STRN3: variants seen among roughly 807,000 people sequenced by gnomAD.
STRN3 encodes the protein striatin 3.
STRN3 carries 29 observed loss-of-function variants against 95.6 expected under a neutral mutation model. The ratio of observed to expected loss-of-function variants is 0.30; its 90% confidence interval spans 0.23 to 0.41. The LOEUF is 0.41. STRN3 is among the 10% of genes least tolerant of loss of function. STRN3 has a pLI of 1.00. For synonymous variants in STRN3, 331 were observed against 357.6 expected, an observed-to-expected ratio of 0.93 and a Z score of 0.84; for missense variants, 890 against 972.1, an observed-to-expected ratio of 0.92 and a Z score of 1.12.
chr14:31,010,589 T>C (rs1882926256), intron 1 of STRN3, among the ~76,000 whole-genome samples: 1 of 152,132 alleles, frequency 6.6e-6, no homozygotes, highest in African/African-American at 2.4e-5. Context: ...TTTTTCAACG[T>C]ACTTTTTTCA....
chr14:30,998,390 G>A (rs1882299925), intron 1 of STRN3, among the ~76,000 whole-genome samples: 1 of 152,132 alleles, frequency 6.6e-6, no homozygotes, highest in South Asian at 2.1e-4. Flanking sequence ...TGTATGCAGG[G>A]GACTTTGAAA....
chr14:30,912,727 C>T (rs1896641506), intron 10 of STRN3, among the ~76,000 whole-genome samples: 1 of 152,082 alleles, frequency 6.6e-6, no homozygotes, highest in African/African-American at 2.4e-5. Context: ...ATTTCTCCAT[C>T]TGTAAAGATA....
intron 1 of STRN3, among the ~76,000 whole-genome samples, chr14:30,973,705 T>C (rs1275495130): frequency 2.0e-5 from 3 of 152,180 alleles, no homozygotes; most frequent in Non-Finnish European, 2.9e-5. Context: ...CTGTGAACAC[T>C]GATACTAAAA....
intron 1 of STRN3, among the ~76,000 whole-genome samples, chr14:31,016,119 G>C (rs529860830): frequency 6.6e-6 from 1 of 152,242 alleles, no homozygotes; most frequent in South Asian, 2.1e-4. Flanking sequence ...AATGCAAAAT[G>C]GTACAGCCAC....
At chr14:31,020,944 G>A (rs995116887) in intron 1 of STRN3, among the ~76,000 whole-genome samples, 1 of 151,942 alleles carries the variant, frequency 6.6e-6, no homozygotes, top group Non-Finnish European at 1.5e-5. Context: ...TAAGCTCCCT[G>A]AGGACAAAGT....
chr14:31,002,647 GAAAAA>G (rs35719624), intron 1 of STRN3, among the ~76,000 whole-genome samples: 1 of 140,966 alleles, frequency 7.1e-6, no homozygotes, highest in African/African-American at 2.7e-5. Flanking sequence ...TCTCAAAAAA[GAAAAA>G]AAAAAAAGGA....
chr14:30,930,131 T>C (rs1402309383), intron 7 of STRN3, among the ~76,000 whole-genome samples: 2 of 151,998 alleles, frequency 1.3e-5, no homozygotes, highest in African/African-American at 2.4e-5. Context: ...TTTAACTAAA[T>C]ACTTGTGACT....
chr14:31,000,784 G>A (rs572409052), intron 1 of STRN3, among the ~76,000 whole-genome samples: 1 of 151,944 alleles, frequency 6.6e-6, no homozygotes, highest in East Asian at 1.9e-4. Context: ...CAGGGCAATG[G>A]CTTTATTTTA....
intron 8 of STRN3, among the ~76,000 whole-genome samples, chr14:30,927,442 C>T (rs1264398461): frequency 6.6e-6 from 1 of 151,168 alleles, no homozygotes; most frequent in African/African-American, 2.4e-5. Flanking sequence ...ATTTGTAGAC[C>T]TCAAAAAGAT....
chr14:30,977,251 A>G (rs926785034), intron 1 of STRN3, among the ~76,000 whole-genome samples: 1 of 152,206 alleles, frequency 6.6e-6, no homozygotes, highest in African/African-American at 2.4e-5. Context: ...TATGAAAAAA[A>G]GAGAAAGATT....
At chr14:30,985,366 G>A (rs1156402461) in intron 1 of STRN3, among the ~76,000 whole-genome samples, 1 of 151,712 alleles carries the variant, frequency 6.6e-6, no homozygotes, top group Non-Finnish European at 1.5e-5. Flanking sequence ...CACTTTTGGG[G>A]GCCGAGGCAG....
chr14:31,018,052 C>G (rs181819684), intron 1 of STRN3, among the ~76,000 whole-genome samples: 2 of 148,232 alleles, frequency 1.3e-5, no homozygotes, highest in East Asian at 3.9e-4. Context: ...GCACTCCAGC[C>G]TGGGCAACAA....
chr14:30,931,640 C>T (rs1056572691), intron 7 of STRN3, among the ~76,000 whole-genome samples: 1 of 151,994 alleles, frequency 6.6e-6, no homozygotes, highest in Admixed American at 6.6e-5. Context: ...AGATAGGAGA[C>T]AATAAATGAA....
intron 5 of STRN3, among the ~76,000 whole-genome samples, 180 bp from the exon 6 acceptor site, chr14:30,936,804 GTAAT>G (rs1878844091): frequency 6.6e-6 from 1 of 152,192 alleles, no homozygotes; most frequent in South Asian, 2.1e-4. Flanking sequence ...TGAAATAAAA[GTAAT>G]TATTCTCTGC....
At chr14:30,973,794 C>T (rs1880956470) in intron 1 of STRN3, among the ~76,000 whole-genome samples, 1 of 152,128 alleles carries the variant, frequency 6.6e-6, no homozygotes, top group Admixed American at 6.5e-5. Flanking sequence ...GGATTTATTC[C>T]TGTAATGAAA....
chr14:30,918,751 C>T (rs58559369), intron 9 of STRN3, among the ~76,000 whole-genome samples: 3 of 152,010 alleles, frequency 2.0e-5, no homozygotes, highest in African/African-American at 7.3e-5. Flanking sequence ...AACAACAACT[C>T]CTCACATTAA....
chr14:30,955,484 AT>A lies in STRN3; in HGVS notation c.460+135del, dbSNP rs146972599. The A allele has an allele frequency of 3.5e-3, 2,361 of 667,558 alleles. 30 individuals carry two copies. The East Asian group carries it at 0.038, about 11-fold the overall frequency. The allele number at this position is 667,558 out of a possible 1,614,324, so 41.4% of individuals were successfully genotyped here. A position where few individuals can be genotyped will look rare whatever the true frequency, so the allele number is the denominator to read the frequency against. On this transcript the variant is annotated intron_variant, in intron 3 of 17. Transcript: ENST00000357479. The stretch of plus-strand genomic sequence containing the variant: ...AACTATTTACTTTTATTCATTTAAT[AT>A]TTTTTCCCAAATTCTAGACAGTTTA...
chr14:31,010,856 T>C (rs574332766), intron 1 of STRN3, among the ~76,000 whole-genome samples: 1 of 152,264 alleles, frequency 6.6e-6, no homozygotes. Context: ...CTAGCCGACA[T>C]GGCGAAACCT....
At chr14:30,966,449 T>C (rs1393783273) in intron 1 of STRN3, among the ~76,000 whole-genome samples, 5 of 152,156 alleles carry the variant, frequency 3.3e-5, no homozygotes, top group African/African-American at 9.7e-5. Flanking sequence ...TCTGTTTCTC[T>C]CTCGTGAGGA....
Sources: gnomAD v4.1 joint callset for allele counts (sites outside exome capture counted in the v4.1 genomes callset) on GRCh38, gnomAD v4.1.1 for gene constraint, MANE v1.5 for transcripts, NCBI Gene and HGNC (gene_info 2026-07-23, HGNC 2026-07-21) for gene names.